Variants in CABLES1 observed in about 807,000 individuals in gnomAD.
The protein encoded by CABLES1 is CDK5 and ABL1 enzyme substrate 1.
In CABLES1, 36 loss-of-function variants were observed where a neutral mutation model predicts 57.8. The observed-to-expected ratio is 0.62, with a 90% CI of 0.48 to 0.82. CABLES1 has a LOEUF of 0.82. Among genes scored for constraint, CABLES1 ranks in the 40% least tolerant of loss-of-function variants. The probability of loss-of-function intolerance (pLI) is 0.00; values close to 1 mark genes in which losing one functional copy is unlikely to be tolerated. For synonymous variants in CABLES1, 374 were observed against 363.0 expected, an observed-to-expected ratio of 1.03 and a Z score of -0.35; for missense variants, 767 against 836.6, an observed-to-expected ratio of 0.92 and a Z score of 1.03.
chr18:23,140,974 C>T (rs891293134), intron 1 of CABLES1, among the ~76,000 whole-genome samples: 4 of 152,162 alleles, frequency 2.6e-5, no homozygotes, highest in Admixed American at 6.5e-5. Flanking sequence ...CATTTATAAT[C>T]GAGGTCTGAA....
chr18:23,255,948 C>T (rs1185822870), intron 9 of CABLES1, among the ~76,000 whole-genome samples: 3 of 152,204 alleles, frequency 2.0e-5, no homozygotes, highest in African/African-American at 7.2e-5. Context: ...ATATACCACA[C>T]AGCAAAAGCT....
intron 1 of CABLES1, among the ~76,000 whole-genome samples, chr18:23,172,988 A>G (rs1388891620): frequency 1.3e-5 from 2 of 152,224 alleles, no homozygotes; most frequent in African/African-American, 4.8e-5. Flanking sequence ...AGCAATTTGC[A>G]AGGATGTCTT....
chr18:23,158,280 C>T (rs143911386), intron 1 of CABLES1, among the ~76,000 whole-genome samples: 2 of 152,242 alleles, frequency 1.3e-5, no homozygotes, highest in East Asian at 3.9e-4. Flanking sequence ...CCACCCTGGG[C>T]ATCAGAGCAA....
At chr18:23,150,203 G>GT (rs140194017) in intron 1 of CABLES1, among the ~76,000 whole-genome samples, 3 of 64,240 alleles carry the variant, frequency 4.7e-5, no homozygotes, top group African/African-American at 8.1e-5. Context: ...AGTAGTTGGT[G>GT]TTTGTTTTTT....
chr18:23,159,048 C>CG (rs2046984260), intron 1 of CABLES1, among the ~76,000 whole-genome samples: 1 of 152,170 alleles, frequency 6.6e-6, no homozygotes, highest in African/African-American at 2.4e-5. Context: ...TCACTGTAAC[C>CG]GCCACCTCTT....
chr18:23,146,244 T>G (rs965023170), intron 1 of CABLES1, among the ~76,000 whole-genome samples: 1 of 152,214 alleles, frequency 6.6e-6, no homozygotes, highest in African/African-American at 2.4e-5. Flanking sequence ...AGTTTTTTGC[T>G]TAAGGACAAA....
At chr18:23,137,093 T>C (rs2046828042) in intron 1 of CABLES1, among the ~76,000 whole-genome samples, 1 of 152,198 alleles carries the variant, frequency 6.6e-6, no homozygotes, top group Non-Finnish European at 1.5e-5. Context: ...GCGCTCCAAG[T>C]CTTCTTGCGG....
At chr18:23,181,890 T>C (rs1464828416) in intron 1 of CABLES1, among the ~76,000 whole-genome samples, 1 of 152,232 alleles carries the variant, frequency 6.6e-6, no homozygotes, top group Non-Finnish European at 1.5e-5. Context: ...TTGGTCATAA[T>C]AACTGTCTGG....
chr18:23,165,178 T>C (rs2047033394), intron 1 of CABLES1, among the ~76,000 whole-genome samples: 1 of 152,120 alleles, frequency 6.6e-6, no homozygotes, highest in South Asian at 2.1e-4. Flanking sequence ...TCATTGCAGC[T>C]TCAAACTCCT....
intron 7 of CABLES1, among the ~76,000 whole-genome samples, chr18:23,244,122 G>T (rs926719573): frequency 6.6e-6 from 1 of 152,226 alleles, no homozygotes; most frequent in Non-Finnish European, 1.5e-5. Flanking sequence ...TGTTTCAGCA[G>T]CTTGCGTTTA....
rs547639612 is a variant in CABLES1, at chr18:23,179,158, T to G, written c.846-9680T>G. On this transcript the variant is annotated intron_variant, in intron 1 of 9. Transcript: ENST00000256925. ...AAAATTAGTCGGGTATTGTGGCGGG[T>G]CCCTGTAATCCCAGCTACTCAGGGG... Among the ~76,000 whole-genome samples, 452 of 150,700 alleles carry G rather than the reference T, an allele frequency of 3.0e-3. 2 individuals are homozygous for G. Among genetic ancestry groups the G allele is most frequent in the African/African-American group, 0.01 (420 of 41,106 alleles).
intron 1 of CABLES1, among the ~76,000 whole-genome samples, chr18:23,138,914 G>A (rs1007152876): frequency 6.6e-6 from 1 of 152,144 alleles, no homozygotes; most frequent in African/African-American, 2.4e-5. Flanking sequence ...GCTTCACTGG[G>A]AGCAGTTAGA....
chr18:23,197,754 C>T (rs1326181711), intron 3 of CABLES1: 1 of 152,188 alleles, frequency 6.6e-6, no homozygotes, highest in Non-Finnish European at 1.5e-5. Flanking sequence ...CAGACCAGTC[C>T]TCAGGACCTG....
At chr18:23,196,323 G>A (rs1208571804) in intron 3 of CABLES1, among the ~76,000 whole-genome samples, 3 of 152,194 alleles carry the variant, frequency 2.0e-5, no homozygotes, top group Non-Finnish European at 2.9e-5. Context: ...GTAGGCTGAG[G>A]CCACGGCGGG....
rs962130703 is a variant in CABLES1, at chr18:23,236,163, G to A, written c.1342+112G>A. The A allele has an allele frequency of 2.5e-6, 3 of 1,183,030 alleles. No homozygotes were observed. The African/African-American group carries it at 4.6e-5, about 18-fold the overall frequency. 73.3% of individuals were successfully genotyped at this position (1,183,030 alleles called of 1,614,324 possible). A position where few individuals can be genotyped will look rare whatever the true frequency, so the allele number is the denominator to read the frequency against. On this transcript the variant is annotated intron_variant, in intron 6 of 9. Coordinates refer to ENST00000256925, the MANE Select transcript of CABLES1 (RefSeq NM_001100619.3). ...GACTGGAAGACAGGGGCTCGCAGGT[G>A]ACATGACTTTTAGGAAAGCCTGATC... is the stretch of plus-strand genomic sequence containing the variant.
intron 3 of CABLES1, chr18:23,197,384 G>A (rs947547475): frequency 2.6e-5 from 4 of 152,046 alleles, no homozygotes; most frequent in African/African-American, 9.7e-5. Context: ...ACGTGGTTGC[G>A]ATGGAGGATG....
rs749977330 is a variant in CABLES1 at position 23,214,074 on chromosome 18, C to T, written c.1088+20C>T. ...AGTCGGGTATGTATATGCATGCATG[C>T]TTTGTAGTTCTCTGGGTGAAAAGAT... On this transcript the variant is annotated intron_variant, in intron 4 of 9. Transcript: ENST00000256925. 1 of 1,543,494 alleles carries T rather than the reference C, an allele frequency of 6.5e-7. No individual in the cohort carries two copies. The highest frequency in any genetic ancestry group is 2.3e-5 in the East Asian group (1 of 44,384).
At chr18:23,146,883 A>G (rs1212625767) in intron 1 of CABLES1, among the ~76,000 whole-genome samples, 2 of 152,220 alleles carry the variant, frequency 1.3e-5, no homozygotes, top group Non-Finnish European at 2.9e-5. Context: ...TAAGTACTGT[A>G]GAATTTTATT....
intron 1 of CABLES1, among the ~76,000 whole-genome samples, chr18:23,159,065 A>G (rs1208189819): frequency 6.6e-6 from 1 of 152,176 alleles, no homozygotes; most frequent in Non-Finnish European, 1.5e-5. Flanking sequence ...TCTTGAGTTC[A>G]AGCGATTCTC....
Sources: gnomAD v4.1 joint callset for allele counts (sites outside exome capture counted in the v4.1 genomes callset) on GRCh38, gnomAD v4.1.1 for gene constraint, MANE v1.5 for transcripts, NCBI Gene and HGNC (gene_info 2026-07-23, HGNC 2026-07-21) for gene names.